SEMA3A: variants seen among roughly 807,000 people sequenced by gnomAD.
The protein encoded by SEMA3A is semaphorin 3A.
SEMA3A carries 29 observed loss-of-function variants against 97.9 expected under a neutral mutation model. The observed-to-expected ratio is 0.30, with a 90% CI of 0.22 to 0.40. The LOEUF (loss-of-function observed/expected upper bound fraction) is 0.40, where lower values mean the gene tolerates loss of function less well. Among genes scored for constraint, SEMA3A ranks in the 10% least tolerant of loss-of-function variants. SEMA3A has a pLI of 1.00. For missense variants in SEMA3A, 763 were observed against 951.3 expected (o/e 0.80, Z 2.60); for synonymous variants, 321 against 323.7 (o/e 0.99, Z 0.09).
At chr7:84,158,312 A>G (rs1449425908) in intron 1 of SEMA3A, among the ~76,000 whole-genome samples, 1 of 150,758 alleles carries the variant, frequency 6.6e-6, no homozygotes, top group Admixed American at 6.6e-5. Context: ...ACACCACCAC[A>G]CCGGGCTAAT....
chr7:84,466,116 T>A (rs1329057086), intron 1 of SEMA3A, among the ~76,000 whole-genome samples: 1 of 152,078 alleles, frequency 6.6e-6, no homozygotes, highest in Non-Finnish European at 1.5e-5. Context: ...AAATGCAACT[T>A]AGTTTTTGTC....
chr7:84,241,768 G>A lies in SEMA3A; in HGVS notation c.-82-47100C>T, dbSNP rs1182692855. 3.3e-5 allele frequency among the ~76,000 whole-genome samples: 5 copies of A among 151,994 alleles called. No individual in the cohort carries two copies. The East Asian group carries it at 5.8e-4, about 18-fold the overall frequency. The stretch of plus-strand genomic sequence containing the variant: ...GGGTTTTTATGGTTTCAGGTCTTAC[G>A]TTTTAGTCTTTAATCCATCTTGAGT... On this transcript the variant is annotated intron_variant, in intron 3 of 3. Coordinates refer to the SEMA3A transcript ENST00000424555.
At chr7:84,234,701 C>A (rs2116364183) in intron 3 of SEMA3A, among the ~76,000 whole-genome samples, 1 of 152,138 alleles carries the variant, frequency 6.6e-6, no homozygotes, top group Admixed American at 6.6e-5. Flanking sequence ...CCCTCCATTC[C>A]AGCCCCAACA....
Position 83,985,472 on chromosome 7 carries a change from C to T in SEMA3A, c.1458G>A (p.Pro486=), listed in dbSNP as rs77413754. The stretch of plus-strand genomic sequence containing the variant: ...AAAGCTCCATTGCTGAAATAGCAGT[C>T]GGTTCCTAAAGGAGAAAAAGAAATA... ...LLEEMTVFRE[P]TAISAMELST... Residue 486 remains proline, a synonymous_variant, in exon 13 of 17, where the codon CCG becomes CCA. Transcript: ENST00000265362. The T allele has an allele frequency of 5.2e-3, 8,344 of 1,607,712 alleles. 59 individuals carry two copies. The highest frequency in any genetic ancestry group is 0.027 in the African/African-American group (2,011 of 74,698).
intron 1 of SEMA3A, among the ~76,000 whole-genome samples, 200 bp from the exon 2 acceptor site, chr7:84,135,151 T>G (rs1401232880): frequency 1.3e-5 from 2 of 151,572 alleles, no homozygotes; most frequent in African/African-American, 2.4e-5. Flanking sequence ...AGTTTTGCTC[T>G]TGTTGCCCAG....
At chr7:84,477,870 C>T (rs1438415885) in intron 1 of SEMA3A, among the ~76,000 whole-genome samples, 1 of 152,190 alleles carries the variant, frequency 6.6e-6, no homozygotes, top group Non-Finnish European at 1.5e-5. Flanking sequence ...TTTCAAAACA[C>T]ATGGTCAATG....
intron 3 of SEMA3A, among the ~76,000 whole-genome samples, chr7:84,225,049 TTG>T (rs1798960061): frequency 6.6e-6 from 1 of 152,116 alleles, no homozygotes; most frequent in Non-Finnish European, 1.5e-5. Context: ...AATAAGTTTC[TTG>T]TAGGCCTAAT....
rs1798164914 is a variant in SEMA3A at position 84,194,729 on chromosome 7, T to C, written c.-143A>G. ...ATAAATGCAGACAATCAAGACCTCATGGCAACACTAACACCTCTTCTTCTG... is the reference window on the plus strand; with the variant it reads ...ATAAATGCAGACAATCAAGACCTCACGGCAACACTAACACCTCTTCTTCTG... On this transcript the variant is annotated 5_prime_UTR_variant, in exon 1 of 17. It removes an upstream start codon present in the reference 5' UTR. Coordinates refer to ENST00000265362, the MANE Select transcript of SEMA3A (RefSeq NM_006080.3). 1 of 553,308 alleles carries C rather than the reference T, an allele frequency of 1.8e-6. No homozygotes were observed. Among genetic ancestry groups the C allele is most frequent in the Admixed American group, 3.2e-5 (1 of 31,736 alleles). The allele number at this position is 553,308 out of a possible 1,614,324, so 34.3% of individuals were successfully genotyped here.
chr7:84,168,075 G>T (rs1797269173), intron 1 of SEMA3A, among the ~76,000 whole-genome samples: 1 of 151,986 alleles, frequency 6.6e-6, no homozygotes. Context: ...TACCTATGAA[G>T]AAATAAGGCA....
chr7:84,335,061 TAA>T (rs1459038544), intron 2 of SEMA3A, among the ~76,000 whole-genome samples: 1 of 152,178 alleles, frequency 6.6e-6, no homozygotes, highest in East Asian at 1.9e-4. Context: ...TCCTTACTGA[TAA>T]AAATTCAACC....
intron 1 of SEMA3A, among the ~76,000 whole-genome samples, chr7:84,140,963 T>G (rs539675224): frequency 1.3e-5 from 2 of 152,104 alleles, no homozygotes; most frequent in African/African-American, 4.8e-5. Context: ...ATAAATAAAT[T>G]TGCATAATGG....
intron 1 of SEMA3A, among the ~76,000 whole-genome samples, chr7:84,153,205 A>C (rs953217877): frequency 1.3e-5 from 2 of 152,152 alleles, no homozygotes; most frequent in African/African-American, 4.8e-5. Context: ...TTGCTATGAA[A>C]GTCTTGATTC....
intron 1 of SEMA3A, among the ~76,000 whole-genome samples, chr7:84,405,717 A>C (rs1804063973): frequency 1.3e-5 from 2 of 152,208 alleles, no homozygotes; most frequent in African/African-American, 4.8e-5. Flanking sequence ...AGTGCAATCA[A>C]ACTAGAACTC....
chr7:84,027,652 T>C (rs1247751009), intron 6 of SEMA3A, among the ~76,000 whole-genome samples: 1 of 152,162 alleles, frequency 6.6e-6, no homozygotes, highest in Non-Finnish European at 1.5e-5. Flanking sequence ...CTATTATATA[T>C]ACTTACATAA....
At chr7:84,159,828 T>C (rs1461999800) in intron 1 of SEMA3A, among the ~76,000 whole-genome samples, 1 of 152,200 alleles carries the variant, frequency 6.6e-6, no homozygotes, top group Non-Finnish European at 1.5e-5. Context: ...ATGACTTATA[T>C]GCTAACTGGA....
At chr7:84,007,073 T>G (rs1031133692) in intron 10 of SEMA3A, among the ~76,000 whole-genome samples, 3 of 152,136 alleles carry the variant, frequency 2.0e-5, no homozygotes, top group Non-Finnish European at 4.4e-5. Context: ...AAAAATAGTT[T>G]GCAAAAATTT....
At chr7:84,149,747 A>G (rs6964747) in intron 1 of SEMA3A, among the ~76,000 whole-genome samples, 2,402 of 152,322 alleles carry the variant, frequency 0.016, 51 homozygotes, top group African/African-American at 0.054. Flanking sequence ...CAAGTCATAA[A>G]CATTGTTTAG....
At chr7:83,973,300 T>G (rs1788994497) in intron 15 of SEMA3A, among the ~76,000 whole-genome samples, 1 of 152,134 alleles carries the variant, frequency 6.6e-6, no homozygotes, top group African/African-American at 2.4e-5. Context: ...GAATAAGAGT[T>G]TATTTCTCCT....
At chr7:84,184,948 A>G (rs1163370757) in intron 1 of SEMA3A, among the ~76,000 whole-genome samples, 2 of 152,148 alleles carry the variant, frequency 1.3e-5, no homozygotes, top group African/African-American at 4.8e-5. Flanking sequence ...ACCACAAATG[A>G]CAGATCACAG....
Sources: gnomAD v4.1 joint callset for allele counts (sites outside exome capture counted in the v4.1 genomes callset) on GRCh38, gnomAD v4.1.1 for gene constraint, MANE v1.5 for transcripts, NCBI Gene and HGNC (gene_info 2026-07-23, HGNC 2026-07-21) for gene names.